TM9SF2: variants seen among roughly 807,000 people sequenced by gnomAD.
TM9SF2 encodes the protein 76 kDa membrane protein.
TM9SF2 carries 13 observed loss-of-function variants against 84.9 expected under a neutral mutation model. That is an observed-to-expected ratio of 0.15 (90% CI 0.10 to 0.24). The LOEUF is 0.24. TM9SF2 is among the 10% of genes least tolerant of loss of function. The pLI is 1.00. For missense variants in TM9SF2, 562 were observed against 818.5 expected, an observed-to-expected ratio of 0.69 and a Z score of 3.82; for synonymous variants, 273 against 285.8, an observed-to-expected ratio of 0.96 and a Z score of 0.45.
intron 10 of TM9SF2, among the ~76,000 whole-genome samples, chr13:99,545,055 G>T (rs2046277207): frequency 6.6e-6 from 1 of 152,012 alleles, no homozygotes; most frequent in Admixed American, 6.6e-5. Context: ...CTTTATTGAT[G>T]CCTGCTACTG....
In TM9SF2 at chr13:99,501,623, C is replaced by T; in HGVS notation, c.17C>T (p.Pro6Leu). ...ACAACTATCATGAGCGCGAGGCTGC[C>T]GGTGTTGTCTCCACCTCGGTGGCCG... MSARL[P>L]VLSPPRWPRL... The change falls in exon 1 of 17, where the codon CCG becomes CTG. Residue 6 changes from proline to leucine, a missense_variant. Physicochemically the swap from Pro to Leu is moderately conservative, Grantham distance 98 (BLOSUM62 -3). Around this residue, in one of 4 missense-constraint regions of TM9SF2, gnomAD observed 267 missense variants for 316.7 expected, o/e 0.84. Transcript: ENST00000376387. 1 of 1,612,574 alleles carries T rather than the reference C, an allele frequency of 6.2e-7. No individual in the cohort carries two copies.
intron 13 of TM9SF2, 103 bp from the exon 14 acceptor site, chr13:99,554,201 A>G: frequency 7.3e-7 from 1 of 1,377,726 alleles, no homozygotes; most frequent in Non-Finnish European, 9.9e-7. Flanking sequence ...GCCATTAGTG[A>G]CAACATAGAA....
chr13:99,536,449 T>G (rs2046234952), intron 4 of TM9SF2, among the ~76,000 whole-genome samples, 159 bp from the exon 5 acceptor site: 2 of 152,200 alleles, frequency 1.3e-5, no homozygotes, highest in Non-Finnish European at 2.9e-5. Flanking sequence ...TTGTTATTGC[T>G]TATGAAATAG....
At chr13:99,549,693 T>C (rs1232222012) in intron 12 of TM9SF2, among the ~76,000 whole-genome samples, 1 of 152,110 alleles carries the variant, frequency 6.6e-6, no homozygotes, top group East Asian at 1.9e-4. Context: ...AAAACAAAAA[T>C]CCTTCACTCT....
Position 99,562,811 on chromosome 13 carries a change from A to G in TM9SF2, c.*53A>G. The G allele has an allele frequency of 6.4e-7, 1 of 1,564,204 alleles. No homozygotes were observed. Among genetic ancestry groups the G allele is most frequent in the Non-Finnish European group, 8.7e-7 (1 of 1,143,926 alleles). ...GAAATAAATTAAACTCTTCATCAACAAAGACCTGTTTTTGTGACTGCCTTG... is the reference window on the plus strand; with the variant it reads ...GAAATAAATTAAACTCTTCATCAACGAAGACCTGTTTTTGTGACTGCCTTG... On this transcript the variant is annotated 3_prime_UTR_variant, in exon 17 of 17. Transcript: ENST00000376387.
At chr13:99,521,741 C>T (rs1285462579) in intron 3 of TM9SF2, among the ~76,000 whole-genome samples, 1 of 152,042 alleles carries the variant, frequency 6.6e-6, no homozygotes, top group African/African-American at 2.4e-5. Flanking sequence ...GAGCCTTGCT[C>T]TGTCACCCAG....
rs543367481 is a variant in TM9SF2, at chr13:99,532,855, A to G, written c.461+3261A>G. ...ATCAGCATATCAATTGCAAACTTCA[A>G]CTATTCTGCTTTAAAAAAATTACCT... On this transcript the variant is annotated intron_variant, in intron 4 of 16. Transcript: ENST00000376387. 5.5e-4 allele frequency among the ~76,000 whole-genome samples: 84 copies of G among 152,326 alleles called. 1 individual carries two copies. Among genetic ancestry groups the G allele is most frequent in the Middle Eastern group, 3.4e-3 (1 of 294 alleles).
At chr13:99,514,672 TC>T (rs1364242525) in intron 1 of TM9SF2, among the ~76,000 whole-genome samples, 19 of 152,326 alleles carry the variant, frequency 1.2e-4, no homozygotes, top group African/African-American at 3.6e-4. Flanking sequence ...CTGTTTCTGG[TC>T]TAACACAGAG....
At chr13:99,506,462 T>A (rs865837677) in intron 1 of TM9SF2, among the ~76,000 whole-genome samples, 1 of 152,232 alleles carries the variant, frequency 6.6e-6, no homozygotes, top group African/African-American at 2.4e-5. Context: ...AGGACTTACT[T>A]TGACTATGGT....
chr13:99,509,654 C>G (rs961360483), intron 1 of TM9SF2, among the ~76,000 whole-genome samples: 3 of 152,324 alleles, frequency 2.0e-5, no homozygotes, highest in Non-Finnish European at 4.4e-5. Context: ...CAGTGGGGCC[C>G]TGGGTCTGAC....
intron 1 of TM9SF2, among the ~76,000 whole-genome samples, chr13:99,505,152 CT>C (rs35156746): frequency 1.3e-3 from 169 of 134,998 alleles, no homozygotes; most frequent in African/African-American, 2.9e-3. Context: ...GTCCCTAAGA[CT>C]TTTTTTTTTT....
chr13:99,527,905 C>T (rs2046191180), intron 3 of TM9SF2, among the ~76,000 whole-genome samples: 1 of 152,302 alleles, frequency 6.6e-6, no homozygotes, highest in South Asian at 2.1e-4. Flanking sequence ...CAGGGTTACG[C>T]AGCTTTCCCT....
intron 15 of TM9SF2, 145 bp from the exon 16 acceptor site, chr13:99,559,218 G>C: frequency 4.6e-6 from 3 of 655,586 alleles, no homozygotes; most frequent in Non-Finnish European, 4.7e-6. Flanking sequence ...AATGGGTGAA[G>C]TTCAATAGGA....
intron 4 of TM9SF2, among the ~76,000 whole-genome samples, chr13:99,533,031 A>G (rs1012658532): frequency 2.0e-5 from 3 of 152,230 alleles, no homozygotes; most frequent in African/African-American, 7.2e-5. Flanking sequence ...TATTCTGTCC[A>G]TGACCTATTT....
At chr13:99,508,445 C>CACACACA (rs1566562106) in intron 1 of TM9SF2, among the ~76,000 whole-genome samples, 130 of 99,664 alleles carry the variant, frequency 1.3e-3, no homozygotes, top group African/African-American at 5.0e-3. Flanking sequence ...ACACACACAC[C>CACACACA]CCAGAGATTC....
intron 1 of TM9SF2, 120 bp downstream of exon 1, chr13:99,501,897 T>G (rs1054808671): frequency 3.6e-6 from 5 of 1,389,930 alleles, no homozygotes; most frequent in Admixed American, 2.7e-5. Flanking sequence ...TGGGGTTGAG[T>G]TTCCCCAGAA....
At chr13:99,557,041 G>C (rs939450485) in intron 15 of TM9SF2, among the ~76,000 whole-genome samples, 1 of 152,152 alleles carries the variant, frequency 6.6e-6, no homozygotes, top group African/African-American at 2.4e-5. Context: ...TGGTTTTGAG[G>C]TATATATCTA....
chr13:99,511,846 TAA>T (rs1224124917), intron 1 of TM9SF2, among the ~76,000 whole-genome samples: 1 of 152,200 alleles, frequency 6.6e-6, no homozygotes, highest in African/African-American at 2.4e-5. Flanking sequence ...GCATCAGAAA[TAA>T]AAAGTTACGG....
chr13:99,515,631 G>C (rs1460350927), intron 1 of TM9SF2, among the ~76,000 whole-genome samples: 3 of 151,840 alleles, frequency 2.0e-5, no homozygotes, highest in Non-Finnish European at 4.4e-5. Flanking sequence ...AATTTATTTG[G>C]TTTTATTTTA....
Sources: allele counts gnomAD v4.1 joint callset (sites outside exome capture counted in the v4.1 genomes callset), GRCh38; gene constraint gnomAD v4.1.1; regional missense constraint gnomAD v4.1.1; transcripts MANE v1.5; gene names NCBI Gene and HGNC (gene_info 2026-07-23, HGNC 2026-07-21).